HPSE2: variants seen among roughly 807,000 people sequenced by gnomAD.
HPSE2 encodes inactive heparanase-2.
A neutral mutation model predicts 60.5 loss-of-function variants in HPSE2; 38 were observed. That is an observed-to-expected ratio of 0.63 (90% CI 0.48 to 0.82). HPSE2 has a LOEUF of 0.82. HPSE2 is among the 40% of genes least tolerant of loss of function. The pLI, the probability that HPSE2 is intolerant of heterozygous loss-of-function variation, is 0.00. For synonymous variants in HPSE2, 295 were observed against 293.2 expected, an observed-to-expected ratio of 1.01 and a Z score of -0.06; for missense variants, 713 against 740.4, an observed-to-expected ratio of 0.96 and a Z score of 0.43.
At chr10:98,617,857 C>A (rs895072649) in intron 8 of HPSE2, among the ~76,000 whole-genome samples, 3 of 152,182 alleles carry the variant, frequency 2.0e-5, no homozygotes, top group African/African-American at 7.2e-5. Context: ...AAAGCCCTAG[C>A]TGGGAAACTC....
At chr10:99,033,297 A>G (rs1269781190) in intron 3 of HPSE2, among the ~76,000 whole-genome samples, 1 of 152,124 alleles carries the variant, frequency 6.6e-6, no homozygotes, top group African/African-American at 2.4e-5. Flanking sequence ...TTTTTCTTCA[A>G]AAAAATTATT....
intron 5 of HPSE2, among the ~76,000 whole-genome samples, chr10:98,704,967 T>C (rs4919253): frequency 0.71 from 108,547 of 152,004 alleles, 40,772 homozygotes; most frequent in South Asian, 0.95. Flanking sequence ...TCAGAGTAAA[T>C]AGGCAACATA....
At chr10:99,018,323 G>C (rs754776959) in intron 3 of HPSE2, among the ~76,000 whole-genome samples, 7 of 152,100 alleles carry the variant, frequency 4.6e-5, no homozygotes, top group Non-Finnish European at 8.8e-5. Flanking sequence ...TTTACGGCTG[G>C]GTTTTCAAGG....
chr10:99,066,595 C>A (rs1751128947), intron 3 of HPSE2, among the ~76,000 whole-genome samples: 1 of 152,108 alleles, frequency 6.6e-6, no homozygotes. Flanking sequence ...GGGGAACTCC[C>A]ATTTATAAAA....
rs376397023 is a variant in HPSE2, at chr10:98,975,290, T to C, written c.610+168948A>G. Among the ~76,000 whole-genome samples, 10 of 152,176 alleles carry C rather than the reference T, an allele frequency of 6.6e-5. No homozygotes were observed. The South Asian group carries it at 8.3e-4, about 13-fold the overall frequency. On this transcript the variant is annotated intron_variant, in intron 3 of 11. Coordinates refer to ENST00000370552, the MANE Select transcript of HPSE2 (RefSeq NM_021828.5). Reference sequence around the variant, plus strand: ...AAAACTACTGTGAGAGTAAACTAACTGATCAAAGAATAGAAACAACAGCCA... The same window carrying C: ...AAAACTACTGTGAGAGTAAACTAACCGATCAAAGAATAGAAACAACAGCCA...
chr10:99,164,402 A>C (rs1314767843), intron 2 of HPSE2, among the ~76,000 whole-genome samples: 2 of 150,564 alleles, frequency 1.3e-5, no homozygotes, highest in Admixed American at 6.6e-5. Context: ...CATATCCTCA[A>C]TCTATTTTTT....
chr10:98,989,934 G>A (rs542631679), intron 3 of HPSE2, among the ~76,000 whole-genome samples: 1 of 152,132 alleles, frequency 6.6e-6, no homozygotes, highest in East Asian at 1.9e-4. Context: ...AAGCTCCCTA[G>A]TGATGTTTGT....
At chr10:98,718,427 C>T (rs961847777) in intron 5 of HPSE2, among the ~76,000 whole-genome samples, 7 of 152,114 alleles carry the variant, frequency 4.6e-5, no homozygotes, top group Non-Finnish European at 5.9e-5. Flanking sequence ...ACCCAGCAAT[C>T]CCACCTATGG....
the HPSE2 span, among the ~76,000 whole-genome samples, chr10:99,313,541 T>C: frequency 6.7e-6 from 1 of 150,050 alleles, no homozygotes; most frequent in African/African-American, 2.4e-5. Flanking sequence ...TTTAGAATAT[T>C]CCATAAACTT....
chr10:98,948,463 G>A (rs1053241934), intron 3 of HPSE2, among the ~76,000 whole-genome samples: 1 of 152,096 alleles, frequency 6.6e-6, no homozygotes, highest in African/African-American at 2.4e-5. Context: ...AGCAATGCCA[G>A]AAAACGAATT....
At chr10:98,542,150 C>G (rs909152070) in intron 9 of HPSE2, among the ~76,000 whole-genome samples, 3 of 152,146 alleles carry the variant, frequency 2.0e-5, no homozygotes, top group Admixed American at 6.5e-5. Context: ...AATGATCAGA[C>G]AGCAGCATTC....
At chr10:98,883,434 C>G (rs1953081645) in intron 3 of HPSE2, among the ~76,000 whole-genome samples, 1 of 152,048 alleles carries the variant, frequency 6.6e-6, no homozygotes, top group Admixed American at 6.6e-5. Context: ...AAGTTAATAA[C>G]AGCTTTTATT....
intron 3 of HPSE2, among the ~76,000 whole-genome samples, chr10:99,100,449 G>A (rs570909004): frequency 1.6e-4 from 24 of 152,232 alleles, no homozygotes; most frequent in East Asian, 3.9e-4. Context: ...AGAAAAAAGA[G>A]TAAAAAGAAA....
intron 3 of HPSE2, among the ~76,000 whole-genome samples, chr10:99,140,767 G>A (rs1332111049): frequency 2.0e-5 from 3 of 152,096 alleles, no homozygotes; most frequent in Non-Finnish European, 2.9e-5. Flanking sequence ...GGCTGGGTGC[G>A]GTGGCTCACG....
intron 2 of HPSE2, among the ~76,000 whole-genome samples, chr10:99,220,945 A>G (rs1849292497): frequency 6.7e-6 from 1 of 149,030 alleles, no homozygotes; most frequent in Non-Finnish European, 1.5e-5. Flanking sequence ...CCGAGGTTCA[A>G]GCGATTCTCT....
rs142168437 is a variant in HPSE2 at position 98,525,728 on chromosome 10, G to A, written c.1321-35532C>T. Among the ~76,000 whole-genome samples the A allele has an allele frequency of 4.1e-4, 62 of 152,300 alleles. No individual in the cohort carries two copies. The East Asian group carries it at 0.01, about 25-fold the overall frequency. On this transcript the variant is annotated intron_variant, in intron 9 of 11. Transcript: ENST00000370552. ...TCGCAAGTGCAGGAAGTGAAATATG[G>A]GAGTGGGATGGGTTGGGGGGCATGT...
At chr10:98,985,367 A>G (rs931970072) in intron 3 of HPSE2, among the ~76,000 whole-genome samples, 2 of 152,174 alleles carry the variant, frequency 1.3e-5, no homozygotes, top group African/African-American at 4.8e-5. Flanking sequence ...ATTTTTAACC[A>G]AGAATTTCAT....
chr10:99,272,930 G>A, the HPSE2 span, among the ~76,000 whole-genome samples: 1 of 152,092 alleles, frequency 6.6e-6, no homozygotes, highest in Non-Finnish European at 1.5e-5. Context: ...GGTATCCAGG[G>A]GAAAAGAAGT....
chr10:98,740,405 T>G (rs1313231459), intron 4 of HPSE2, among the ~76,000 whole-genome samples: 1 of 152,094 alleles, frequency 6.6e-6, no homozygotes, highest in African/African-American at 2.4e-5. Flanking sequence ...ACTCCTGACC[T>G]CAAGAAATCC....
Sources: allele counts gnomAD v4.1 joint callset (sites outside exome capture counted in the v4.1 genomes callset), GRCh38; gene constraint gnomAD v4.1.1; transcripts MANE v1.5; gene names NCBI Gene and HGNC (gene_info 2026-07-23, HGNC 2026-07-21).